KRT8: variants seen among roughly 807,000 people sequenced by gnomAD.
KRT8 encodes keratin 8.
Under a neutral mutation model 43.0 loss-of-function variants are expected in KRT8, and 24 were observed. That is an observed-to-expected ratio of 0.56 (90% CI 0.40 to 0.78). The LOEUF is 0.78. KRT8 is among the 30% of genes least tolerant of loss of function. The pLI is 0.00. For synonymous variants in KRT8, 214 were observed against 261.2 expected (o/e 0.82, Z 1.74); for missense variants, 492 against 638.4 (o/e 0.77, Z 2.47).
intron 2 of KRT8, among the ~76,000 whole-genome samples, chr12:52,913,378 G>GTT (rs2120621671): frequency 6.6e-6 from 1 of 152,296 alleles, no homozygotes; most frequent in East Asian, 1.9e-4. Context: ...GTCAACAAAA[G>GTT]TTTTATGATT....
At chr12:52,932,429 A>T (rs1942099755) in intron 2 of KRT8, among the ~76,000 whole-genome samples, 1 of 152,106 alleles carries the variant, frequency 6.6e-6, no homozygotes, top group Admixed American at 6.6e-5. Context: ...TGTCCACAAG[A>T]TCAGGAACAA....
At chr12:52,936,456 A>G (rs1032536250) in intron 2 of KRT8, among the ~76,000 whole-genome samples, 51 of 152,074 alleles carry the variant, frequency 3.4e-4, no homozygotes, top group African/African-American at 1.2e-3. Flanking sequence ...CTATTATTTT[A>G]TGTTTTGTAG....
intron 2 of KRT8, chr12:52,949,354 G>C (rs779038487): frequency 2.5e-5 from 41 of 1,609,404 alleles, no homozygotes; most frequent in Non-Finnish European, 3.4e-5. Flanking sequence ...CATGGGGTCC[G>C]GGGGCCTGGC....
At chr12:52,898,961 C>T (rs1353003304) in intron 5 of KRT8, 62 bp from the exon 6 acceptor site, 3 of 1,474,532 alleles carry the variant, frequency 2.0e-6, no homozygotes, top group Non-Finnish European at 1.9e-6. Flanking sequence ...TCCCGTGCTC[C>T]CACCCTCCCT....
upstream of KRT8, among the ~76,000 whole-genome samples, chr12:52,911,542 G>A (rs1941636758): frequency 6.6e-6 from 1 of 151,996 alleles, no homozygotes; most frequent in Admixed American, 6.6e-5. Context: ...AACACATACA[G>A]TGCAAAAAAA....
chr12:52,926,332 G>GGCCCCCCCCCCCCCCCCCCCCC, intron 2 of KRT8: 3 of 600,270 alleles, frequency 5.0e-6, no homozygotes, highest in African/African-American at 1.9e-5. Context: ...GGCACTAGCT[G>GGCCCCCCCCCCCCCCCCCCCCC]CCCTCCCCAC....
chr12:52,938,136 C>CCATATATATATATATA (rs1363488675), intron 2 of KRT8, among the ~76,000 whole-genome samples: 3 of 44,054 alleles, frequency 6.8e-5, no homozygotes, highest in African/African-American at 2.5e-4. Flanking sequence ...CACTAGAAAG[C>CCATATATATATATATA]TATATATATA....
At chr12:52,929,343 C>T (rs2120691418) in intron 2 of KRT8, among the ~76,000 whole-genome samples, 1 of 152,228 alleles carries the variant, frequency 6.6e-6, no homozygotes, top group East Asian at 1.9e-4. Context: ...AGGTGCCCAC[C>T]ACCACGCCCA....
intron 2 of KRT8, among the ~76,000 whole-genome samples, chr12:52,937,687 C>CAA (rs1200365036): frequency 3.3e-5 from 3 of 90,176 alleles, no homozygotes; most frequent in Admixed American, 2.5e-4. Context: ...AACTCTGTCT[C>CAA]AAAAAAAAAA....
intron 4 of KRT8, among the ~76,000 whole-genome samples, chr12:52,900,267 C>G (rs761630794): frequency 2.0e-5 from 3 of 152,068 alleles, no homozygotes; most frequent in African/African-American, 4.8e-5. Flanking sequence ...CAATGCAGCT[C>G]AAAGATTAGG....
At chr12:52,945,905 C>T (rs1206262714) in intron 2 of KRT8, among the ~76,000 whole-genome samples, 1 of 149,328 alleles carries the variant, frequency 6.7e-6, no homozygotes, top group African/African-American at 2.5e-5. Flanking sequence ...AACCCTAGTG[C>T]TGGGAATCTG....
chr12:52,940,146 C>T (rs1942241898), intron 2 of KRT8, among the ~76,000 whole-genome samples: 1 of 151,028 alleles, frequency 6.6e-6, no homozygotes, highest in African/African-American at 2.4e-5. Flanking sequence ...AAAAGCTACA[C>T]ACCAGGCCAG....
chr12:52,902,905 G>C (rs1422168966), intron 1 of KRT8, among the ~76,000 whole-genome samples: 1 of 151,992 alleles, frequency 6.6e-6, no homozygotes, highest in African/African-American at 2.4e-5. Context: ...CCAGCTACTC[G>C]GGAGGCTGAG....
chr12:52,941,533 G>T (rs969774014), intron 2 of KRT8, among the ~76,000 whole-genome samples: 7 of 129,080 alleles, frequency 5.4e-5, no homozygotes, highest in Non-Finnish European at 1.1e-4. Context: ...TTGTTACCCA[G>T]GCTGGAGTGC....
chr12:52,906,566 C>T, upstream of KRT8: 1 of 400,418 alleles, frequency 2.5e-6, no homozygotes, highest in Non-Finnish European at 5.1e-6. Context: ...CACCCCAGGC[C>T]TGGGTGGGGC....
intron 2 of KRT8, chr12:52,926,332 G>GGCCACCCCCCCCCCC: frequency 1.7e-6 from 1 of 600,272 alleles, no homozygotes; most frequent in East Asian, 3.3e-5. Flanking sequence ...GGCACTAGCT[G>GGCCACCCCCCCCCCC]CCCTCCCCAC....
At chr12:52,902,229 CA>C in intron 1 of KRT8, 157 bp from the exon 2 acceptor site, 2 of 632,872 alleles carry the variant, frequency 3.2e-6, no homozygotes, top group Admixed American at 2.4e-5. Context: ...CACCTATGAC[CA>C]GGGGGAGAAA....
At chr12:52,931,001 A>G (rs1272902018) in intron 2 of KRT8, among the ~76,000 whole-genome samples, 1 of 151,390 alleles carries the variant, frequency 6.6e-6, no homozygotes, top group African/African-American at 2.4e-5. Flanking sequence ...TCTGGCTAGC[A>G]TGTTCTTGTC....
intron 2 of KRT8, chr12:52,948,820 C>G (rs898818722): frequency 2.4e-6 from 1 of 410,698 alleles, no homozygotes; most frequent in Non-Finnish European, 4.2e-6. Flanking sequence ...TCGCCAGCAC[C>G]TCCTCCACCT....
Sources: gnomAD v4.1 joint callset for allele counts (sites outside exome capture counted in the v4.1 genomes callset) on GRCh38, gnomAD v4.1.1 for gene constraint, MANE v1.5 for transcripts, NCBI Gene and HGNC (gene_info 2026-07-23, HGNC 2026-07-21) for gene names.